The following KIAA0825 variants were observed in gnomAD, a reference collection of about 807,000 sequenced individuals.
KIAA0825 encodes the protein KIAA0825.
Under a neutral mutation model 147.6 loss-of-function variants are expected in KIAA0825, and 119 were observed. That is an observed-to-expected ratio of 0.81 (90% CI 0.69 to 0.94). The LOEUF is 0.94. Ranked by LOEUF, KIAA0825 falls within the 40% of genes least tolerant of loss-of-function variation. The pLI is 0.00. For missense variants in KIAA0825, 1,381 were observed against 1,472.7 expected, an observed-to-expected ratio of 0.94 and a Z score of 1.02; for synonymous variants, 470 against 518.1, an observed-to-expected ratio of 0.91 and a Z score of 1.26.
intron 20 of KIAA0825, among the ~76,000 whole-genome samples, chr5:94,349,234 C>T (rs1321150400): frequency 6.6e-6 from 1 of 152,204 alleles, no homozygotes; most frequent in Non-Finnish European, 1.5e-5. Context: ...CCTTGTCCAA[C>T]AGGAAAATAT....
chr5:94,269,746 C>T (rs961785656), intron 20 of KIAA0825, among the ~76,000 whole-genome samples: 5 of 151,720 alleles, frequency 3.3e-5, no homozygotes, highest in South Asian at 2.1e-4. Flanking sequence ...AATGATGCAT[C>T]GTAAAGAGCT....
chr5:94,523,124 T>C (rs942961134), intron 4 of KIAA0825, among the ~76,000 whole-genome samples: 1 of 151,672 alleles, frequency 6.6e-6, no homozygotes, highest in African/African-American at 2.4e-5. Context: ...ACTATTTTCA[T>C]CTGATTCTGT....
chr5:94,285,421 A>G (rs942003278), intron 20 of KIAA0825, among the ~76,000 whole-genome samples: 3 of 152,154 alleles, frequency 2.0e-5, no homozygotes, highest in Non-Finnish European at 2.9e-5. Context: ...TTCATTGAAG[A>G]AATCTAGTCC....
At chr5:94,533,467 G>T (rs748800462) in intron 3 of KIAA0825, among the ~76,000 whole-genome samples, 1 of 151,590 alleles carries the variant, frequency 6.6e-6, no homozygotes, top group African/African-American at 2.4e-5. Flanking sequence ...AGTAGAGACA[G>T]GGTTTCATCA....
chr5:94,218,996 A>G (rs967342605), intron 20 of KIAA0825, among the ~76,000 whole-genome samples: 2 of 152,052 alleles, frequency 1.3e-5, no homozygotes, highest in African/African-American at 4.8e-5. Context: ...AGCTTTATGT[A>G]TATTAGATAC....
intron 14 of KIAA0825, among the ~76,000 whole-genome samples, chr5:94,437,003 A>G (rs186350873): frequency 6.6e-6 from 1 of 152,200 alleles, no homozygotes; most frequent in Admixed American, 6.6e-5. Context: ...GCTTATTAGC[A>G]TAAGAAGTGA....
intron 20 of KIAA0825, among the ~76,000 whole-genome samples, chr5:94,312,725 T>TAAA (rs568821249): frequency 1.1e-3 from 168 of 151,800 alleles, no homozygotes; most frequent in Non-Finnish European, 1.7e-3. Flanking sequence ...TAACTATATC[T>TAAA]TTTCATTCTA....
At chr5:94,455,727 A>T (rs1429585617) in intron 12 of KIAA0825, among the ~76,000 whole-genome samples, 1 of 152,172 alleles carries the variant, frequency 6.6e-6, no homozygotes, top group Non-Finnish European at 1.5e-5. Flanking sequence ...TAATTATTAA[A>T]AACAGAAATG....
At chr5:94,593,419 C>T (rs1784699162) in intron 1 of KIAA0825, 1 of 834,660 alleles carries the variant, frequency 1.2e-6, no homozygotes, top group Non-Finnish European at 2.0e-6. Flanking sequence ...CAAAACGGAA[C>T]TTGTTTTTGA....
chr5:94,533,179 C>T (rs1005346077), intron 3 of KIAA0825, among the ~76,000 whole-genome samples: 6 of 151,044 alleles, frequency 4.0e-5, no homozygotes, highest in Admixed American at 6.6e-5. Flanking sequence ...AGGGTTTCAC[C>T]GTGTTAGCCA....
chr5:94,529,237 T>G (rs1317810135), intron 3 of KIAA0825, among the ~76,000 whole-genome samples: 1 of 129,970 alleles, frequency 7.7e-6, no homozygotes, highest in Non-Finnish European at 1.6e-5. Context: ...CATATATATG[T>G]ATATATACAT....
intron 7 of KIAA0825, among the ~76,000 whole-genome samples, chr5:94,473,756 A>G (rs538576421): frequency 6.5e-4 from 99 of 152,342 alleles, no homozygotes; most frequent in Non-Finnish European, 1.2e-3. Context: ...TCATCAGTAG[A>G]TTTAATAAAA....
intron 2 of KIAA0825, among the ~76,000 whole-genome samples, chr5:94,572,496 A>C (rs911788298): frequency 2.0e-5 from 3 of 152,248 alleles, no homozygotes; most frequent in Admixed American, 6.5e-5. Flanking sequence ...AGAAGTACAC[A>C]GTATAGGTCA....
chr5:94,477,704 G>A (rs925421142), intron 6 of KIAA0825, among the ~76,000 whole-genome samples: 1 of 151,906 alleles, frequency 6.6e-6, no homozygotes, highest in African/African-American at 2.4e-5. Flanking sequence ...ATACCCTTAA[G>A]CATATCAACG....
At chr5:94,472,898 G>A (rs1761400960) in intron 8 of KIAA0825, among the ~76,000 whole-genome samples, 1 of 152,166 alleles carries the variant, frequency 6.6e-6, no homozygotes, top group African/African-American at 2.4e-5. Context: ...TGATACTAAT[G>A]AGATGAAAAG....
chr5:94,537,137 A>G lies in KIAA0825; in HGVS notation c.-1-10T>C. 3 of 1,595,170 alleles carry G rather than the reference A, an allele frequency of 1.9e-6. No homozygotes were observed. The highest frequency in any genetic ancestry group is 1.3e-5 in the African/African-American group (1 of 74,274). On this transcript the variant is annotated splice_polypyrimidine_tract_variant and intron_variant, in intron 2 of 20. Coordinates refer to ENST00000682413, the MANE Select transcript of KIAA0825 (RefSeq NM_001145678.3). ...ATCATCCCAATCCATTCTGAGGAGC[A>G]AGAATAAATAATAAAACATGTCAGT...
chr5:94,206,769 C>T lies in KIAA0825; in HGVS notation c.3711-52645G>A, dbSNP rs1315990792. Among the ~76,000 whole-genome samples, 3 of 152,156 alleles carry T rather than the reference C, an allele frequency of 2.0e-5. No individual in the cohort carries two copies. In the East Asian group the frequency reaches 5.8e-4, roughly 29 times the overall value. ...TCAGTGCTTGTCTGTCACAATCCTT[C>T]AGTCTCTCCTATAAGGTCTCATCAC... On this transcript the variant is annotated intron_variant, in intron 20 of 20. Coordinates refer to ENST00000682413, the MANE Select transcript of KIAA0825 (RefSeq NM_001145678.3).
At chr5:94,305,785 C>T (rs1244848276) in intron 20 of KIAA0825, among the ~76,000 whole-genome samples, 1 of 151,898 alleles carries the variant, frequency 6.6e-6, no homozygotes, top group Non-Finnish European at 1.5e-5. Flanking sequence ...GACTCAGTAA[C>T]TTATTTGTGA....
At chr5:94,401,126 T>C (rs1394930489) in intron 16 of KIAA0825, among the ~76,000 whole-genome samples, 1 of 152,150 alleles carries the variant, frequency 6.6e-6, no homozygotes, top group East Asian at 1.9e-4. Flanking sequence ...TAGAAATCTT[T>C]TGTTTATCAA....
Sources: gnomAD v4.1 joint callset for allele counts (sites outside exome capture counted in the v4.1 genomes callset) on GRCh38, gnomAD v4.1.1 for gene constraint, MANE v1.5 for transcripts, NCBI Gene and HGNC (gene_info 2026-07-23, HGNC 2026-07-21) for gene names.